Variants in ZNF592 observed in about 807,000 individuals in gnomAD.
ZNF592 encodes the protein zinc finger protein 592, also known as spinocerebellar ataxia, autosomal recessive 5.
ZNF592 carries 11 observed loss-of-function variants against 80.3 expected under a neutral mutation model. The observed-to-expected ratio is 0.14, with a 90% CI of 0.09 to 0.23. ZNF592 has a LOEUF of 0.23. ZNF592 is among the 10% of genes least tolerant of loss of function. The pLI is 1.00. For synonymous variants in ZNF592, 646 were observed against 640.3 expected (o/e 1.01, Z -0.13); for missense variants, 1,420 against 1,633.9 (o/e 0.87, Z 2.26).
Position 84,798,515 on chromosome 15 carries a change from T to TG in ZNF592, c.2736+42dup, listed in dbSNP as rs1567077559. 6.2e-7 allele frequency: 1 copy of TG among 1,613,876 alleles called. No homozygotes were observed. ...GGAGGAGGCCGGGGAGGAGGGCACATGCCTCAGGCTGGGGGTCTGACTCTG... is the reference window on the plus strand; with the variant it reads ...GGAGGAGGCCGGGGAGGAGGGCACATGGCCTCAGGCTGGGGGTCTGACTCTG... On this transcript the variant is annotated intron_variant, in intron 7 of 10. Coordinates refer to ENST00000560079, the MANE Select transcript of ZNF592 (RefSeq NM_014630.3). This position sits in a 1 kb window ranked among gnomAD's most constrained non-coding sequence, Gnocchi z 4.5.
Position 84,783,243 on chromosome 15 carries a change from C to T in ZNF592, c.568C>T (p.Pro190Ser), listed in dbSNP as rs781671198. 1.2e-5 allele frequency: 19 copies of T among 1,614,198 alleles called. No individual in the cohort carries two copies. Among genetic ancestry groups the T allele is most frequent in the South Asian group, 5.5e-5 (5 of 91,082 alleles). Reference protein sequence around the residue: ...GPVLEALAKFPVPELHMFDHF... With the variant: ...GPVLEALAKFSVPELHMFDHF... ...AGTCCTGGAGGCTCTGGCTAAGTTT[C>T]CGGTTCCAGAGCTGCATATGTTTGA... The change falls in exon 4 of 11, where the codon CCG (proline) becomes TCG (serine). Residue 190 changes from proline to serine, a missense_variant. Physicochemically the swap from Pro to Ser is moderately conservative, Grantham distance 74 (BLOSUM62 -1). Transcript: ENST00000560079. The surrounding 1 kb of genome is among the most constrained non-coding windows in gnomAD (Gnocchi z 5.0).
intron 1 of ZNF592, among the ~76,000 whole-genome samples, chr15:84,754,993 T>A (rs980953108): frequency 1.5e-5 from 2 of 137,074 alleles, no homozygotes; most frequent in African/African-American, 2.7e-5. Context: ...CATGGCAGAG[T>A]GTCACTCTGT....
intron 5 of ZNF592, among the ~76,000 whole-genome samples, chr15:84,796,519 GAAC>G (rs1962925999): frequency 6.6e-6 from 1 of 151,842 alleles, no homozygotes; most frequent in Non-Finnish European, 1.5e-5. Flanking sequence ...AGGAAAGACT[GAAC>G]ACAGGAGAGG....
intron 2 of ZNF592, among the ~76,000 whole-genome samples, chr15:84,765,583 G>T (rs408032): frequency 8.2e-6 from 1 of 122,198 alleles, no homozygotes; most frequent in Non-Finnish European, 1.6e-5. Flanking sequence ...TCTGTTGCCA[G>T]ACTGGAGTGC....
At chr15:84,773,931 T>C (rs1338862902) in intron 2 of ZNF592, among the ~76,000 whole-genome samples, 2 of 152,226 alleles carry the variant, frequency 1.3e-5, no homozygotes. Context: ...AAGGGCAGGA[T>C]CACAAGTTCT....
At chr15:84,775,068 C>T (rs954635849) in intron 2 of ZNF592, among the ~76,000 whole-genome samples, 20 of 151,468 alleles carry the variant, frequency 1.3e-4, no homozygotes, top group Admixed American at 9.9e-4. Context: ...GGCATGAGTC[C>T]CAGCACCTGG....
Position 84,784,382 on chromosome 15 carries a change from G to C in ZNF592, c.1707G>C (p.Ala569=), listed in dbSNP as rs376399381. The C allele has an allele frequency of 6.2e-6, 10 of 1,614,118 alleles. No individual in the cohort carries two copies. In the South Asian group the frequency reaches 9.9e-5, roughly 16 times the overall value. Residue 569 remains alanine (A), a synonymous_variant, in exon 4 of 11, where the codon GCG becomes GCC. Transcript: ENST00000560079. This position sits in a 1 kb window ranked among gnomAD's most constrained non-coding sequence, Gnocchi z 5.8. Reference sequence around the variant, plus strand: ...GCTCCAACCCCGTGCCCCTCTATGCGCCAAATCTCAGCCCGCCTGCGGACA... The same window carrying C: ...GCTCCAACCCCGTGCCCCTCTATGCCCCAAATCTCAGCCCGCCTGCGGACA... The part of the protein sequence containing the change: ...LHSSNPVPLY[A]PNLSPPADSR...
rs753718341 is a variant in ZNF592 at position 84,796,221 on chromosome 15, C to CAA, written c.2400-1630_2400-1629dup. Among the ~76,000 whole-genome samples the CAA allele has an allele frequency of 1.1e-3, 27 of 25,414 alleles. 1 individual carries two copies. Among genetic ancestry groups the CAA allele is most frequent in the South Asian group, 4.3e-3 (3 of 700 alleles). The allele number at this position is 25,414 out of a possible 152,430, so 16.7% of individuals were successfully genotyped here. A position where few individuals can be genotyped will look rare whatever the true frequency, so the allele number is the denominator to read the frequency against. Reference sequence around the variant, plus strand: ...TGGGTGACAAAGCAAGACTCTGTCTCAAAAAAAAAAAAAAAAAAATATATA... The same window carrying CAA: ...TGGGTGACAAAGCAAGACTCTGTCTCAAAAAAAAAAAAAAAAAAAAATATATA... On this transcript the variant is annotated intron_variant, in intron 5 of 10. Transcript: ENST00000560079.
chr15:84,787,710 A>G (rs1027335873), intron 4 of ZNF592, among the ~76,000 whole-genome samples: 10 of 152,202 alleles, frequency 6.6e-5, no homozygotes, highest in African/African-American at 2.4e-4. Flanking sequence ...ACCCAACACA[A>G]TTAATAACAG....
rs1963219360 is a variant in ZNF592, at chr15:84,805,686, C to T, written c.*3293C>T. ...TGCCTTCCCCAAGACTGGGGAACCT[C>T]TGTCCTGTTCACCACTGTATATTCA... On this transcript the variant is annotated 3_prime_UTR_variant, in exon 11 of 11. Coordinates refer to ENST00000560079, the MANE Select transcript of ZNF592 (RefSeq NM_014630.3). 6.6e-6 allele frequency: 1 copy of T among 152,612 alleles called. No individual in the cohort carries two copies. Among genetic ancestry groups the T allele is most frequent in the Non-Finnish European group, 1.5e-5 (1 of 68,048 alleles). 9.5% of individuals were successfully genotyped at this position (152,612 alleles called of 1,614,324 possible). A position where few individuals can be genotyped will look rare whatever the true frequency, so the allele number is the denominator to read the frequency against.
At chr15:84,785,018 G>T in intron 4 of ZNF592, 123 bp downstream of exon 4, 1 of 1,157,624 alleles carries the variant, frequency 8.6e-7, no homozygotes, top group South Asian at 1.3e-5. Flanking sequence ...TCTTAGAAGA[G>T]GATGTCTGCC....
chr15:84,796,284 TATATATATATAA>T lies in ZNF592; in HGVS notation c.2400-1583_2400-1572del, dbSNP rs1567076401. On this transcript the variant is annotated intron_variant, in intron 5 of 10. Transcript: ENST00000560079. ...TATATATTTTATATATATATATATA[TATATATATATAA>T]AAAAACGAAGGGTAACATTCAGGAG... is the stretch of plus-strand genomic sequence containing the variant. Among the ~76,000 whole-genome samples, 100 of 52,672 alleles carry T rather than the reference TATATATATATAA, an allele frequency of 1.9e-3. 8 individuals carry two copies. The highest frequency in any genetic ancestry group is 7.9e-3 in the African/African-American group (71 of 8,988). 34.6% of individuals were successfully genotyped at this position (52,672 alleles called of 152,430 possible). A position where few individuals can be genotyped will look rare whatever the true frequency, so the allele number is the denominator to read the frequency against.
chr15:84,771,380 G>T (rs1899696261), intron 2 of ZNF592, among the ~76,000 whole-genome samples: 1 of 152,094 alleles, frequency 6.6e-6, no homozygotes, highest in Non-Finnish European at 1.5e-5. Flanking sequence ...TGTGTTTGAG[G>T]CCCTGGTGGG....
intron 4 of ZNF592, among the ~76,000 whole-genome samples, chr15:84,787,741 C>T (rs187024612): frequency 5.9e-5 from 9 of 152,322 alleles, no homozygotes; most frequent in African/African-American, 2.2e-4. Context: ...TTACCTACTA[C>T]AAGTTCATAT....
chr15:84,801,326 A>G (rs1963090048), intron 10 of ZNF592, among the ~76,000 whole-genome samples: 1 of 152,066 alleles, frequency 6.6e-6, no homozygotes. Flanking sequence ...CTGTCTCAAA[A>G]ATGAAATGAA....
intron 1 of ZNF592, chr15:84,753,325 C>T (rs978332303): frequency 6.6e-6 from 1 of 152,194 alleles, no homozygotes; most frequent in Non-Finnish European, 1.5e-5. Context: ...TCTGTGAACT[C>T]TTGGAGGAGG....
intron 2 of ZNF592, among the ~76,000 whole-genome samples, chr15:84,766,706 AGTGTGTGTGTGTGT>A (rs10667788): frequency 0.14 from 19,600 of 140,212 alleles, 1,427 homozygotes; most frequent in Non-Finnish European, 0.17. Flanking sequence ...GATGAGAAAG[AGTGTGTGTGTGTGT>A]GTGTGTGTGT....
At position 84,782,866 on chromosome 15, in the gene ZNF592, C is replaced by T. The variant is rs1387827683; in HGVS notation, c.191C>T (p.Pro64Leu). ...CACTCAGGATCAGCCCCCGATGTGC[C>T]GGCCGTGAGTGTCATTGTCAAGAAC... ...LSHSGSAPDV[P>L]AVSVIVKNTS... The change falls in exon 4 of 11, where the codon CCG becomes CTG. Residue 64 changes from proline to leucine, a missense_variant. Coordinates refer to ENST00000560079, the MANE Select transcript of ZNF592 (RefSeq NM_014630.3). The T allele has an allele frequency of 1.9e-6, 3 of 1,614,094 alleles. No individual in the cohort carries two copies. The highest frequency in any genetic ancestry group is 2.2e-5 in the East Asian group (1 of 44,884).
chr15:84,787,354 C>T (rs747911432), intron 4 of ZNF592, among the ~76,000 whole-genome samples: 2 of 152,226 alleles, frequency 1.3e-5, no homozygotes, highest in African/African-American at 2.4e-5. Context: ...CTCACAAAAT[C>T]TCATGCCACT....
Sources: gnomAD v4.1 joint callset for allele counts (sites outside exome capture counted in the v4.1 genomes callset) on GRCh38, gnomAD v4.1.1 for gene constraint, Gnocchi (gnomAD v3.1) non-coding constraint, MANE v1.5 for transcripts, NCBI Gene and HGNC (gene_info 2026-07-23, HGNC 2026-07-21) for gene names.